Variants in AFF3 observed in about 807,000 individuals in gnomAD.
The protein encoded by AFF3 is ALF transcription elongation factor 3, also known as AF4/FMR2 family member 3.
In AFF3, 32 loss-of-function variants were observed where a neutral mutation model predicts 129.7. The observed-to-expected ratio is 0.25, with a 90% CI of 0.19 to 0.33. The LOEUF (loss-of-function observed/expected upper bound fraction) is 0.33. AFF3 is among the 10% of genes least tolerant of loss of function. AFF3 has a pLI of 1.00. For missense variants in AFF3, 1,373 were observed against 1,592.0 expected, an observed-to-expected ratio of 0.86 and a Z score of 2.34; for synonymous variants, 644 against 635.4, an observed-to-expected ratio of 1.01 and a Z score of -0.20.
chr2:99,915,728 AT>A (rs1695430996), intron 7 of AFF3, among the ~76,000 whole-genome samples: 1 of 152,256 alleles, frequency 6.6e-6, no homozygotes, highest in African/African-American at 2.4e-5. Flanking sequence ...TCATAAAAAA[AT>A]AACTGAAATG....
intron 8 of AFF3, among the ~76,000 whole-genome samples, chr2:99,804,284 T>C (rs1003929014): frequency 4.6e-5 from 7 of 152,116 alleles, no homozygotes; most frequent in African/African-American, 1.7e-4. Context: ...ATGACATGAA[T>C]AGACATTTTT....
chr2:99,785,717 A>G (rs923506961), intron 8 of AFF3, among the ~76,000 whole-genome samples: 26 of 152,240 alleles, frequency 1.7e-4, no homozygotes, highest in Non-Finnish European at 2.8e-4. Context: ...AGAAATTCTG[A>G]GAGTTTGAAT....
intron 8 of AFF3, among the ~76,000 whole-genome samples, chr2:99,771,614 C>T (rs115190130): frequency 6.6e-6 from 1 of 152,058 alleles, no homozygotes; most frequent in Non-Finnish European, 1.5e-5. Flanking sequence ...TGTTTTAAGA[C>T]CTTATGATTC....
rs540227863 is a variant in AFF3, at chr2:99,897,482, CT to C, written c.874-59959del. 3.1e-3 allele frequency among the ~76,000 whole-genome samples: 476 copies of C among 152,298 alleles called. 4 individuals are homozygous for C. The highest frequency in any genetic ancestry group is 0.011 in the African/African-American group (452 of 41,566). On this transcript the variant is annotated intron_variant, in intron 7 of 24. Transcript: ENST00000672756. ...GTCTCTTTGGCCAGGTCTGCCCATCCTTTGGTGGAGGCCTGCTCAGACCCAC... is the reference window on the plus strand; with the variant it reads ...GTCTCTTTGGCCAGGTCTGCCCATCCTTGGTGGAGGCCTGCTCAGACCCAC...
chr2:100,123,732 C>T lies in AFF3; in HGVS notation c.-145+5492G>A, dbSNP rs184272528. ...AGCAGACATGCCCCACCCCATCCCA[C>T]TCACAGTTCTAAAGGAGAGAGGTCA... is the stretch of plus-strand genomic sequence containing the variant. On this transcript the variant is annotated intron_variant, in intron 2 of 24. Transcript: ENST00000672756. 3.2e-4 allele frequency among the ~76,000 whole-genome samples: 49 copies of T among 152,306 alleles called. 1 individual carries two copies. The highest frequency in any genetic ancestry group is 6.5e-5 in the Admixed American group (1 of 15,300).
intron 11 of AFF3, among the ~76,000 whole-genome samples, chr2:99,725,639 C>T (rs1309914749): frequency 2.0e-5 from 3 of 152,164 alleles, no homozygotes; most frequent in African/African-American, 7.2e-5. Context: ...TGGGAACGGA[C>T]ATTTTAGAAA....
At chr2:100,138,535 A>G (rs11681227) in intron 1 of AFF3, among the ~76,000 whole-genome samples, 56,361 of 152,078 alleles carry the variant, frequency 0.37, 10,732 homozygotes, top group East Asian at 0.57. Context: ...CAGGAGCACT[A>G]TCTGATACAA....
In AFF3 at chr2:99,583,019, T is replaced by G; in HGVS notation, c.2592-20A>C. On this transcript the variant is annotated intron_variant, in intron 16 of 24. Transcript: ENST00000672756. ...GCCACACTGAAAAAGGAAATTACGGTAATGGAATGTTACAGAGTCAGCACA... is the reference window on the plus strand; with the variant it reads ...GCCACACTGAAAAAGGAAATTACGGGAATGGAATGTTACAGAGTCAGCACA... 6.2e-7 allele frequency: 1 copy of G among 1,607,726 alleles called. No individual in the cohort carries two copies. Among genetic ancestry groups the G allele is most frequent in the South Asian group, 1.1e-5 (1 of 90,942 alleles).
intron 7 of AFF3, among the ~76,000 whole-genome samples, chr2:99,959,649 C>T (rs1385524849): frequency 1.4e-5 from 2 of 147,836 alleles, no homozygotes; most frequent in Non-Finnish European, 3.0e-5. Flanking sequence ...CACAGATTGC[C>T]GAGTTGAATG....
Position 99,653,991 on chromosome 2 carries a change from T to C in AFF3, c.1144-4325A>G, listed in dbSNP as rs1685521516. ...GCCTCCCTGGTTCAAGCGATTCTCC[T>C]GCTTCAACCTCCAGAGTAGCTGGGA... On this transcript the variant is annotated intron_variant, in intron 12 of 24. Coordinates refer to ENST00000672756, the MANE Select transcript of AFF3 (RefSeq NM_001386135.1). 4.6e-5 allele frequency among the ~76,000 whole-genome samples: 7 copies of C among 151,316 alleles called. No homozygotes were observed. The South Asian group carries it at 1.5e-3, about 32-fold the overall frequency.
intron 8 of AFF3, among the ~76,000 whole-genome samples, chr2:99,835,645 T>C (rs1043600386): frequency 2.0e-5 from 3 of 152,120 alleles, no homozygotes; most frequent in South Asian, 4.1e-4. Context: ...CCATCATCTC[T>C]CTTTCCTCCT....
rs1674063504 is a variant in AFF3, at chr2:99,545,996, AG to A, written c.*5477del. 4.6e-6 allele frequency: 1 copy of A among 219,426 alleles called. No individual in the cohort carries two copies. Among genetic ancestry groups the A allele is most frequent in the Non-Finnish European group, 9.1e-6 (1 of 109,416 alleles). 13.6% of individuals were successfully genotyped at this position (219,426 alleles called of 1,614,324 possible). A position where few individuals can be genotyped will look rare whatever the true frequency, so the allele number is the denominator to read the frequency against. On this transcript the variant is annotated 3_prime_UTR_variant, in exon 25 of 25. Coordinates refer to ENST00000672756, the MANE Select transcript of AFF3 (RefSeq NM_001386135.1). Reference sequence around the variant, plus strand: ...CTGAACATTTCTTGTGCTATTTGCCAGGAAGTTGTAATATTGAAAAACTGTG... The same window carrying A: ...CTGAACATTTCTTGTGCTATTTGCCAGAAGTTGTAATATTGAAAAACTGTG...
In AFF3 at chr2:100,114,737, T is replaced by A. The variant is rs575414222; in HGVS notation, c.-144-9154A>T. Among the ~76,000 whole-genome samples, 168 of 152,356 alleles carry A rather than the reference T, an allele frequency of 1.1e-3. 6 individuals are homozygous for A. Among genetic ancestry groups the A allele is most frequent in the Non-Finnish European group, 9.3e-4 (63 of 68,040 alleles). On this transcript the variant is annotated intron_variant, in intron 2 of 24. Coordinates refer to ENST00000672756, the MANE Select transcript of AFF3 (RefSeq NM_001386135.1). ...TTTCACTAACAGAAAGGGTGGGTGC[T>A]GGCTCCCTGGAGCCTGGAGTCACAA...
intron 4 of AFF3, among the ~76,000 whole-genome samples, chr2:100,099,707 A>G (rs1690572586): frequency 6.6e-6 from 1 of 152,088 alleles, no homozygotes; most frequent in African/African-American, 2.4e-5. Context: ...TTCTCCTATT[A>G]AGTTCCCAAA....
intron 13 of AFF3, among the ~76,000 whole-genome samples, chr2:99,620,808 T>C (rs1681926227): frequency 6.6e-6 from 1 of 152,078 alleles, no homozygotes; most frequent in African/African-American, 2.4e-5. Context: ...AGTTCTCACT[T>C]TATTAGTTTA....
chr2:99,947,653 T>C (rs55909793), intron 7 of AFF3, among the ~76,000 whole-genome samples: 48,099 of 121,852 alleles, frequency 0.39, 8,844 homozygotes, highest in African/African-American at 0.49. Context: ...GATAGATAGA[T>C]AGACAGACAG....
intron 7 of AFF3, among the ~76,000 whole-genome samples, chr2:99,856,755 C>T (rs901009194): frequency 1.3e-5 from 2 of 152,030 alleles, no homozygotes; most frequent in Non-Finnish European, 2.9e-5. Flanking sequence ...CTCCAGAGAC[C>T]CCATTTAAAC....
intron 1 of AFF3, among the ~76,000 whole-genome samples, chr2:100,137,987 C>T (rs551034383): frequency 2.0e-5 from 3 of 152,264 alleles, no homozygotes; most frequent in East Asian, 1.9e-4. Flanking sequence ...ATGGGGTGGC[C>T]ATCTGCCAGT....
intron 13 of AFF3, among the ~76,000 whole-genome samples, chr2:99,605,232 A>T (rs13027012): frequency 0.16 from 24,210 of 152,186 alleles, 2,284 homozygotes; most frequent in South Asian, 0.24. Flanking sequence ...TACTGGCCTA[A>T]CTATTATTTG....
Sources: allele counts gnomAD v4.1 joint callset (sites outside exome capture counted in the v4.1 genomes callset), GRCh38; gene constraint gnomAD v4.1.1; transcripts MANE v1.5; gene names NCBI Gene and HGNC (gene_info 2026-07-23, HGNC 2026-07-21).